Variants in ATP6V1E1 observed in about 807,000 individuals in gnomAD.
ATP6V1E1 encodes the protein V-type proton ATPase subunit E 1.
ATP6V1E1 carries 21 observed loss-of-function variants against 35.2 expected under a neutral mutation model. The ratio of observed to expected loss-of-function variants is 0.60; its 90% CI spans 0.42 to 0.86. ATP6V1E1 has a LOEUF of 0.86. Among genes scored for constraint, ATP6V1E1 ranks in the 40% least tolerant of loss-of-function variants. The pLI, the probability that ATP6V1E1 is intolerant of heterozygous loss-of-function variation, is 0.00. For missense variants in ATP6V1E1, 183 were observed against 272.6 expected, an observed-to-expected ratio of 0.67 and a Z score of 2.32; for synonymous variants, 83 against 87.8, an observed-to-expected ratio of 0.95 and a Z score of 0.30.
chr22:17,597,646 G>C (rs1440138955), intron 7 of ATP6V1E1, among the ~76,000 whole-genome samples: 1 of 151,286 alleles, frequency 6.6e-6, no homozygotes, highest in Non-Finnish European at 1.5e-5. Context: ...TTTTTTTTCT[G>C]AGATGCAGTC....
At chr22:17,599,990 G>C (rs2057754358) in intron 6 of ATP6V1E1, 37 bp downstream of exon 6, 1 of 1,152,602 alleles carries the variant, frequency 8.7e-7, no homozygotes, top group Non-Finnish European at 1.2e-6. Context: ...AGGGAGGGGG[G>C]AGGGAGGGAG....
intron 5 of ATP6V1E1, chr22:17,600,861 T>G: frequency 3.0e-6 from 1 of 337,320 alleles, no homozygotes; most frequent in Non-Finnish European, 5.4e-6. Context: ...CATAATTGAG[T>G]AGTAGGCCTG....
At position 17,628,538 on chromosome 22, in the gene ATP6V1E1, G is replaced by A. The variant is rs8138727; in HGVS notation, c.33+65C>T. On this transcript the variant is annotated intron_variant, in intron 1 of 8. Transcript: ENST00000253413. ...GCTCAAGGCCCGCGGCCTTCCCTAG[G>A]CGGGCTCCAGCCCACTCCCCGGGAC... 10 of 1,609,830 alleles carry A rather than the reference G, an allele frequency of 6.2e-6. No homozygotes were observed. In the Admixed American group the frequency reaches 1.5e-4, roughly 24 times the overall value.
At chr22:17,620,426 C>T (rs571405979) in intron 1 of ATP6V1E1, among the ~76,000 whole-genome samples, 46 of 151,994 alleles carry the variant, frequency 3.0e-4, no homozygotes, top group African/African-American at 1.1e-3. Flanking sequence ...GGATTACAGA[C>T]GTGAGCCACC....
intron 1 of ATP6V1E1, among the ~76,000 whole-genome samples, chr22:17,627,579 G>GCAA (rs2057920447): frequency 6.6e-6 from 1 of 151,430 alleles, no homozygotes; most frequent in South Asian, 2.1e-4. Context: ...AGCACTTTGG[G>GCAA]AGGCCCAGGT....
At chr22:17,613,114 G>A (rs2057823485) in intron 3 of ATP6V1E1, 97 bp downstream of exon 3, 16 of 1,041,190 alleles carry the variant, frequency 1.5e-5, no homozygotes, top group South Asian at 4.3e-5. Flanking sequence ...GTAGGTGGTC[G>A]AGTTAAGACC....
At position 17,613,913 on chromosome 22, in the gene ATP6V1E1, G is replaced by C. The variant is rs893284246; in HGVS notation, c.100-593C>G. On this transcript the variant is annotated intron_variant, in intron 2 of 8. Coordinates refer to ENST00000253413, the MANE Select transcript of ATP6V1E1 (RefSeq NM_001696.4). ...ACCCGGGAGGCAGAGCTTGCAGCGA[G>C]TGGAGATCGTGCCACTGCACTCTAG... 1.8e-4 allele frequency among the ~76,000 whole-genome samples: 28 copies of C among 152,096 alleles called. No individual in the cohort carries two copies. In the East Asian group the frequency reaches 4.4e-3, roughly 24 times the overall value.
intron 4 of ATP6V1E1, among the ~76,000 whole-genome samples, chr22:17,602,523 C>T (rs1263292060): frequency 3.9e-5 from 6 of 151,990 alleles, no homozygotes; most frequent in African/African-American, 9.7e-5. Flanking sequence ...TACAGGCGCA[C>T]GCCACCACAC....
At chr22:17,604,738 C>T (rs1053975589) in intron 4 of ATP6V1E1, among the ~76,000 whole-genome samples, 1 of 151,824 alleles carries the variant, frequency 6.6e-6, no homozygotes, top group East Asian at 1.9e-4. Flanking sequence ...AGGCTGGTCT[C>T]GAACCCCGGA....
In ATP6V1E1 at chr22:17,619,495, T is replaced by C. The variant is rs1461768404; in HGVS notation, c.65A>G (p.Glu22Gly). The C allele has an allele frequency of 6.2e-7, 1 of 1,605,044 alleles. No homozygotes were observed. The highest frequency in any genetic ancestry group is 1.7e-5 in the Admixed American group (1 of 58,900). ...IKHMMAFIEQ[E>G]ANEKAEEIDA... Reference sequence around the variant, plus strand: ...TATTTCTTCTGCTTTCTCATTGGCTTCTTGTTCAATGAAAGCCATCATATG... The same window carrying C: ...TATTTCTTCTGCTTTCTCATTGGCTCCTTGTTCAATGAAAGCCATCATATG... The change falls in exon 2 of 9, where the codon GAA becomes GGA. Residue 22 changes from glutamate (E) to glycine (G), a missense_variant. Transcript: ENST00000253413.
intron 2 of ATP6V1E1, among the ~76,000 whole-genome samples, chr22:17,616,312 C>T (rs1194527041): frequency 1.3e-5 from 2 of 152,174 alleles, no homozygotes; most frequent in African/African-American, 4.8e-5. Flanking sequence ...TGCACCACTG[C>T]ACTCCAGCCT....
rs1057130521 is a variant in ATP6V1E1, at chr22:17,617,869, G to C, written c.99+1592C>G. On this transcript the variant is annotated intron_variant, in intron 2 of 8. Transcript: ENST00000253413. ...CTGTCGTCCAGGCTGGAGTGCAGTG[G>C]CACGATCTCTGCTGACTGCAACCTC... Among the ~76,000 whole-genome samples the C allele has an allele frequency of 2.0e-5, 3 of 152,146 alleles. No individual in the cohort carries two copies. In the South Asian group the frequency reaches 6.2e-4, roughly 32 times the overall value.
At chr22:17,609,686 G>A (rs1008856062) in intron 4 of ATP6V1E1, among the ~76,000 whole-genome samples, 3 of 148,428 alleles carry the variant, frequency 2.0e-5, no homozygotes, top group Non-Finnish European at 4.4e-5. Context: ...AGCCAGGATG[G>A]TCTCAATCTC....
intron 5 of ATP6V1E1, among the ~76,000 whole-genome samples, chr22:17,600,460 A>G (rs2057756910): frequency 6.6e-6 from 1 of 152,106 alleles, no homozygotes; most frequent in African/African-American, 2.4e-5. Flanking sequence ...AAAATAAAAT[A>G]AAGCAACAGT....
chr22:17,617,862 T>G (rs1173267850), intron 2 of ATP6V1E1, among the ~76,000 whole-genome samples: 2 of 152,226 alleles, frequency 1.3e-5, no homozygotes, highest in Non-Finnish European at 2.9e-5. Flanking sequence ...CAGGCTGGAG[T>G]GCAGTGGCAC....
chr22:17,612,893 T>C lies in ATP6V1E1; in HGVS notation c.210-15A>G. On this transcript the variant is annotated splice_polypyrimidine_tract_variant and intron_variant, in intron 3 of 8. Transcript: ENST00000253413. ...TGGACATCTGACTGCAAAACGGTAT[T>C]GAAAAATAGCATTAGTAACAACTTA... 1 of 1,597,566 alleles carries C rather than the reference T, an allele frequency of 6.3e-7. No homozygotes were observed.
At chr22:17,603,202 G>A (rs981819811) in intron 4 of ATP6V1E1, among the ~76,000 whole-genome samples, 70 of 151,680 alleles carry the variant, frequency 4.6e-4, no homozygotes, top group African/African-American at 1.1e-3. Flanking sequence ...TGCCTGCCTC[G>A]GCCTCCCAAA....
intron 6 of ATP6V1E1, among the ~76,000 whole-genome samples, chr22:17,599,572 C>T (rs924460435): frequency 1.3e-5 from 1 of 76,038 alleles, no homozygotes; most frequent in African/African-American, 4.9e-5. Flanking sequence ...AGCGAAACTC[C>T]ATCTCAAAAA....
chr22:17,624,461 G>A (rs1340173327), intron 1 of ATP6V1E1, among the ~76,000 whole-genome samples: 1 of 152,128 alleles, frequency 6.6e-6, no homozygotes, highest in Non-Finnish European at 1.5e-5. Context: ...GGCTGATGCA[G>A]GAGGATCGCT....
Sources: allele counts gnomAD v4.1 joint callset (sites outside exome capture counted in the v4.1 genomes callset), GRCh38; gene constraint gnomAD v4.1.1; transcripts MANE v1.5; gene names NCBI Gene and HGNC (gene_info 2026-07-23, HGNC 2026-07-21).